PDE1C: variants seen among roughly 807,000 people sequenced by gnomAD.
The protein encoded by PDE1C is phosphodiesterase 1C.
Under a neutral mutation model 93.1 loss-of-function variants are expected in PDE1C, and 62 were observed. That is an observed-to-expected ratio of 0.67 (90% confidence interval 0.54 to 0.82). PDE1C has a LOEUF of 0.82. Ranked by LOEUF, PDE1C falls within the 40% of genes least tolerant of loss-of-function variation. The pLI is 0.00. For missense variants in PDE1C, 742 were observed against 884.6 expected (o/e 0.84, Z 2.04); for synonymous variants, 325 against 310.1 (o/e 1.05, Z -0.50).
intron 3 of PDE1C, among the ~76,000 whole-genome samples, chr7:32,112,800 ATATATGTG>A (rs1253419204): frequency 5.4e-5 from 4 of 74,684 alleles, no homozygotes; most frequent in Non-Finnish European, 1.1e-4. Context: ...ATATATATAC[ATATATGTG>A]TGTGTGTGTG....
Position 31,904,500 on chromosome 7 carries a change from C to T in PDE1C, c.129-23640G>A, listed in dbSNP as rs183951904. Among the ~76,000 whole-genome samples the T allele has an allele frequency of 2.4e-4, 36 of 151,718 alleles. 1 individual carries two copies. In the East Asian group the frequency reaches 6.8e-3, roughly 29 times the overall value. On this transcript the variant is annotated intron_variant, in intron 2 of 17. Coordinates refer to ENST00000396191, the MANE Select transcript of PDE1C (RefSeq NM_001191057.4). The stretch of plus-strand genomic sequence containing the variant: ...TCACTTAAAAAAAAAAATCTAAATC[C>T]ACTGTGTCCAAATATTTAAATATGG...
chr7:32,282,822 C>T (rs573067296), intron 1 of PDE1C, among the ~76,000 whole-genome samples: 3 of 152,128 alleles, frequency 2.0e-5, no homozygotes, highest in East Asian at 2.0e-4. Context: ...CCTCGTGATC[C>T]GCCCACCTCC....
the PDE1C span, among the ~76,000 whole-genome samples, chr7:31,627,615 A>T: frequency 7.0e-6 from 1 of 142,462 alleles, no homozygotes; most frequent in Non-Finnish European, 1.5e-5. Flanking sequence ...AGCTGCGATC[A>T]TGCCACTGCA....
chr7:32,407,860 G>GTTGTACAGTA (rs1349919290), intron 1 of PDE1C, among the ~76,000 whole-genome samples: 1 of 152,134 alleles, frequency 6.6e-6, no homozygotes, highest in African/African-American at 2.4e-5. Flanking sequence ...CTCCTCTTCT[G>GTTGTACAGTA]TTGTACAGTA....
At chr7:32,387,061 G>C (rs1220320620) in intron 1 of PDE1C, among the ~76,000 whole-genome samples, 2 of 151,226 alleles carry the variant, frequency 1.3e-5, no homozygotes, top group Non-Finnish European at 2.9e-5. Context: ...CTTAAGATTA[G>C]GGAGTGGTGA....
At chr7:31,950,463 C>T (rs1489386550) in intron 2 of PDE1C, among the ~76,000 whole-genome samples, 2 of 152,144 alleles carry the variant, frequency 1.3e-5, no homozygotes, top group Non-Finnish European at 2.9e-5. Context: ...AAGACATCCT[C>T]AAAAGTATGC....
chr7:32,128,007 A>G (rs32304), intron 3 of PDE1C, among the ~76,000 whole-genome samples: 105,113 of 151,734 alleles, frequency 0.69, 37,142 homozygotes, highest in Middle Eastern at 0.81. Flanking sequence ...ATAATGTTAT[A>G]CTAATGTAGG....
intron 1 of PDE1C, among the ~76,000 whole-genome samples, chr7:32,316,221 T>A (rs1300198449): frequency 6.6e-6 from 1 of 152,222 alleles, no homozygotes; most frequent in Non-Finnish European, 1.5e-5. Flanking sequence ...ATATTCTATT[T>A]CTGGTGGTAG....
chr7:31,831,792 A>G lies in PDE1C; in HGVS notation c.1204-3419T>C, dbSNP rs1441535677. ...GGGAAGAAGAAAAAGGTGAAGAAGA[A>G]GAAGAGGAAGGAAGAGATAAAAGAA... On this transcript the variant is annotated intron_variant, in intron 11 of 17. Coordinates refer to ENST00000396191, the MANE Select transcript of PDE1C (RefSeq NM_001191057.4). 2.6e-5 allele frequency among the ~76,000 whole-genome samples: 4 copies of G among 152,124 alleles called. No homozygotes were observed. In the East Asian group the frequency reaches 7.7e-4, roughly 29 times the overall value.
At chr7:32,367,957 A>AG (rs956035631) in intron 1 of PDE1C, among the ~76,000 whole-genome samples, 3 of 152,090 alleles carry the variant, frequency 2.0e-5, no homozygotes, top group African/African-American at 7.2e-5. Context: ...TAAAAAAAAA[A>AG]AATCAACACC....
chr7:31,825,243 C>T (rs1049066919), intron 12 of PDE1C, among the ~76,000 whole-genome samples: 8 of 152,138 alleles, frequency 5.3e-5, no homozygotes, highest in Non-Finnish European at 1.2e-4. Flanking sequence ...AGAACAAGCA[C>T]TGTGATAAGA....
At chr7:32,054,638 A>G (rs539045484) in intron 1 of PDE1C, among the ~76,000 whole-genome samples, 2 of 152,164 alleles carry the variant, frequency 1.3e-5, no homozygotes, top group African/African-American at 4.8e-5. Context: ...GACCCAAAGA[A>G]AGACAGACCA....
At chr7:32,250,106 G>A (rs1333060788) in intron 1 of PDE1C, among the ~76,000 whole-genome samples, 2 of 152,158 alleles carry the variant, frequency 1.3e-5, no homozygotes, top group Non-Finnish European at 1.5e-5. Context: ...GCTGCCCTAG[G>A]TCAGCTGGCC....
intron 2 of PDE1C, among the ~76,000 whole-genome samples, chr7:32,176,964 G>T (rs577457794): frequency 6.6e-5 from 10 of 152,292 alleles, no homozygotes; most frequent in African/African-American, 2.4e-4. Context: ...TATTCAGCAG[G>T]CTCTGAAGAG....
chr7:32,201,451 G>C (rs993889793), intron 2 of PDE1C, among the ~76,000 whole-genome samples: 1 of 152,158 alleles, frequency 6.6e-6, no homozygotes, highest in Non-Finnish European at 1.5e-5. Flanking sequence ...GTAAATATTT[G>C]CTATTATCTC....
At chr7:32,369,610 A>G (rs1328519095) in intron 1 of PDE1C, among the ~76,000 whole-genome samples, 10 of 152,198 alleles carry the variant, frequency 6.6e-5, no homozygotes, top group Non-Finnish European at 1.5e-4. Context: ...TAAAATTACC[A>G]TATGATTCAG....
chr7:31,967,033 C>T (rs7795503), intron 2 of PDE1C, among the ~76,000 whole-genome samples: 47,563 of 151,764 alleles, frequency 0.31, 7,746 homozygotes, highest in Admixed American at 0.4. Context: ...GACACCCTAA[C>T]ATCAAAATTA....
chr7:32,106,222 T>G (rs1004488357), intron 3 of PDE1C, among the ~76,000 whole-genome samples: 1 of 152,034 alleles, frequency 6.6e-6, no homozygotes, highest in South Asian at 2.1e-4. Flanking sequence ...CCTTGCTACA[T>G]TGCCCAGGCT....
At chr7:31,772,006 A>C (rs937691974) in intron 17 of PDE1C, among the ~76,000 whole-genome samples, 96 of 149,638 alleles carry the variant, frequency 6.4e-4, no homozygotes, top group African/African-American at 2.1e-3. Flanking sequence ...AGATAGCGCC[A>C]CTGCACTCCA....
Sources: gnomAD v4.1 joint callset for allele counts (sites outside exome capture counted in the v4.1 genomes callset) on GRCh38, gnomAD v4.1.1 for gene constraint, MANE v1.5 for transcripts, NCBI Gene and HGNC (gene_info 2026-07-23, HGNC 2026-07-21) for gene names.